Variants in CDH18 observed in about 807,000 individuals in gnomAD.
The protein encoded by CDH18 is cadherin-18.
A neutral mutation model predicts 67.9 loss-of-function variants in CDH18; 31 were observed. The ratio of observed to expected loss-of-function variants is 0.46; its 90% confidence interval spans 0.34 to 0.62. CDH18 has a LOEUF of 0.62. Ranked by LOEUF, CDH18 falls within the 20% of genes least tolerant of loss-of-function variation. CDH18 has a pLI of 0.01. For missense variants in CDH18, 890 were observed against 975.5 expected (o/e 0.91, Z 1.17); for synonymous variants, 362 against 347.2 (o/e 1.04, Z -0.48).
At chr5:20,188,863 A>AC (rs1554100582) in intron 2 of CDH18, among the ~76,000 whole-genome samples, 4,376 of 150,756 alleles carry the variant, frequency 0.029, 240 homozygotes, top group African/African-American at 0.1. Context: ...AAAAAAAAAA[A>AC]TCCACTCTCT....
chr5:19,602,942 T>C (rs1227020464), intron 6 of CDH18, among the ~76,000 whole-genome samples: 1 of 149,380 alleles, frequency 6.7e-6, no homozygotes, highest in Non-Finnish European at 1.5e-5. Context: ...TCCAGCCTGG[T>C]GAAGAAGAGC....
chr5:20,117,412 T>A (rs1748014195), intron 2 of CDH18, among the ~76,000 whole-genome samples: 1 of 152,190 alleles, frequency 6.6e-6, no homozygotes, highest in African/African-American at 2.4e-5. Context: ...GAAAATATGC[T>A]TCTTCTTAAT....
intron 1 of CDH18, among the ~76,000 whole-genome samples, chr5:20,473,167 C>G (rs1408885460): frequency 1.3e-5 from 2 of 151,900 alleles, no homozygotes; most frequent in Admixed American, 1.3e-4. Context: ...AAAAGCTGTT[C>G]CTGCTGTTAA....
chr5:19,983,172 T>C (rs369917931), intron 1 of CDH18, among the ~76,000 whole-genome samples: 14 of 152,146 alleles, frequency 9.2e-5, no homozygotes, highest in African/African-American at 3.1e-4. Context: ...ACTGTGGATC[T>C]AACCTAGATA....
chr5:20,388,668 C>G lies in CDH18; in HGVS notation c.-579-133163G>C, dbSNP rs201596399. Among the ~76,000 whole-genome samples the G allele has an allele frequency of 6.6e-5, 10 of 152,206 alleles. No homozygotes were observed. The East Asian group carries it at 1.9e-3, about 29-fold the overall frequency. On this transcript the variant is annotated intron_variant, in intron 1 of 14. Transcript: ENST00000507958. Reference sequence around the variant, plus strand: ...TCTTTTAATTGTGATGTTAGGGTGTCTATTTTAGATCTTTCCTGCTTTCTC... The same window carrying G: ...TCTTTTAATTGTGATGTTAGGGTGTGTATTTTAGATCTTTCCTGCTTTCTC...
intron 12 of CDH18, among the ~76,000 whole-genome samples, chr5:19,474,131 A>G (rs2126500187): frequency 6.6e-6 from 1 of 152,312 alleles, no homozygotes; most frequent in South Asian, 2.1e-4. Context: ...CTAGGTAGAT[A>G]CACTAAAGAT....
chr5:19,550,873 C>G (rs1011229941), intron 8 of CDH18, among the ~76,000 whole-genome samples: 71 of 152,110 alleles, frequency 4.7e-4, no homozygotes, highest in Non-Finnish European at 7.9e-4. Context: ...AGTTTACATT[C>G]CCACCAACAG....
At chr5:19,605,260 T>G (rs897059101) in intron 6 of CDH18, among the ~76,000 whole-genome samples, 1 of 151,856 alleles carries the variant, frequency 6.6e-6, no homozygotes, top group Non-Finnish European at 1.5e-5. Flanking sequence ...TACTATTATT[T>G]ATTTATAGCT....
At chr5:20,283,221 C>T (rs1041819189) in intron 1 of CDH18, among the ~76,000 whole-genome samples, 1 of 152,038 alleles carries the variant, frequency 6.6e-6, no homozygotes, top group Non-Finnish European at 1.5e-5. Context: ...TAACACTTCA[C>T]AAGCCTAGGC....
intron 1 of CDH18, among the ~76,000 whole-genome samples, chr5:20,258,998 T>C (rs959870907): frequency 2.6e-5 from 4 of 152,152 alleles, no homozygotes; most frequent in African/African-American, 9.7e-5. Context: ...CTTGAGATAC[T>C]TTATCACCCA....
At chr5:20,180,438 C>T (rs1737593966) in intron 2 of CDH18, among the ~76,000 whole-genome samples, 1 of 152,148 alleles carries the variant, frequency 6.6e-6, no homozygotes, top group Non-Finnish European at 1.5e-5. Flanking sequence ...TGATTAATAT[C>T]TTGCTAATCG....
chr5:20,250,212 T>C (rs139272296), intron 2 of CDH18, among the ~76,000 whole-genome samples: 1 of 152,202 alleles, frequency 6.6e-6, no homozygotes, highest in Non-Finnish European at 1.5e-5. Context: ...TTCCACATTT[T>C]GTTTTGTTTT....
At chr5:20,065,010 A>C (rs1742851877) in intron 2 of CDH18, among the ~76,000 whole-genome samples, 1 of 152,058 alleles carries the variant, frequency 6.6e-6, no homozygotes, top group Non-Finnish European at 1.5e-5. Flanking sequence ...TAATTTTCCT[A>C]AACTGTTAAA....
intron 3 of CDH18, among the ~76,000 whole-genome samples, chr5:19,835,542 TG>T (rs1225016562): frequency 6.6e-6 from 1 of 152,048 alleles, no homozygotes; most frequent in East Asian, 1.9e-4. Context: ...TCACTATGAA[TG>T]TATTTATAAA....
At chr5:20,266,442 C>T (rs1461548175) in intron 1 of CDH18, among the ~76,000 whole-genome samples, 15 of 152,098 alleles carry the variant, frequency 9.9e-5, no homozygotes, top group African/African-American at 3.6e-4. Flanking sequence ...CTCACTCCAT[C>T]GCCCAGGCTG....
At chr5:20,113,227 T>A (rs1289128270) in intron 2 of CDH18, among the ~76,000 whole-genome samples, 2 of 152,226 alleles carry the variant, frequency 1.3e-5, no homozygotes, top group Non-Finnish European at 2.9e-5. Context: ...ACTTCTGGCA[T>A]GTTTTTCAGT....
intron 2 of CDH18, among the ~76,000 whole-genome samples, chr5:20,170,546 T>C (rs1190957262): frequency 6.6e-6 from 1 of 152,052 alleles, no homozygotes; most frequent in Non-Finnish European, 1.5e-5. Flanking sequence ...AGCATACTAA[T>C]AATTTAGTGG....
intron 2 of CDH18, among the ~76,000 whole-genome samples, chr5:20,033,570 C>T (rs956505339): frequency 1.3e-5 from 2 of 152,010 alleles, no homozygotes; most frequent in Admixed American, 6.6e-5. Flanking sequence ...CTGTAGTGAT[C>T]ATTTTTTCTT....
At chr5:20,465,249 T>A (rs1420696689) in intron 1 of CDH18, among the ~76,000 whole-genome samples, 1 of 145,428 alleles carries the variant, frequency 6.9e-6, no homozygotes, top group Non-Finnish European at 1.5e-5. Context: ...GAAGAGATGA[T>A]CATTATATTC....
Sources: gnomAD v4.1 joint callset for allele counts (sites outside exome capture counted in the v4.1 genomes callset) on GRCh38, gnomAD v4.1.1 for gene constraint, MANE v1.5 for transcripts, NCBI Gene and HGNC (gene_info 2026-07-23, HGNC 2026-07-21) for gene names.